Variants in SLC35F4 observed in about 807,000 individuals in gnomAD.
The protein encoded by SLC35F4 is chromosome 14 open reading frame 36.
A neutral mutation model predicts 44.2 loss-of-function variants in SLC35F4; 24 were observed. The ratio of observed to expected loss-of-function variants is 0.54; its 90% CI spans 0.39 to 0.76. The LOEUF is 0.76. SLC35F4 is among the 30% of genes least tolerant of loss of function. The pLI is 0.00. For missense variants in SLC35F4, 562 were observed against 586.1 expected, an observed-to-expected ratio of 0.96 and a Z score of 0.42; for synonymous variants, 238 against 223.6, an observed-to-expected ratio of 1.06 and a Z score of -0.57.
intron 1 of SLC35F4, among the ~76,000 whole-genome samples, chr14:57,782,556 TAA>T (rs560034632): frequency 3.0e-3 from 463 of 152,270 alleles, no homozygotes; most frequent in Non-Finnish European, 5.0e-3. Flanking sequence ...AGCATGTAAA[TAA>T]AGACAGAGCA....
chr14:57,794,616 C>G (rs1335621662), intron 1 of SLC35F4, among the ~76,000 whole-genome samples: 1 of 152,116 alleles, frequency 6.6e-6, no homozygotes, highest in Non-Finnish European at 1.5e-5. Context: ...GTAGCCTTGA[C>G]TACTGAATGG....
At chr14:57,931,043 T>C (rs1889688009) in intron 1 of SLC35F4, among the ~76,000 whole-genome samples, 3 of 152,310 alleles carry the variant, frequency 2.0e-5, no homozygotes, top group Admixed American at 2.0e-4. Flanking sequence ...TAGATAATAT[T>C]AGAACTGAAA....
chr14:57,954,038 C>G (rs987435953), intron 1 of SLC35F4, among the ~76,000 whole-genome samples: 7 of 152,188 alleles, frequency 4.6e-5, no homozygotes, highest in African/African-American at 9.6e-5. Context: ...GAAATCACTC[C>G]TCAGCAAATG....
At chr14:57,586,417 G>T (rs2069725185) in intron 3 of SLC35F4, among the ~76,000 whole-genome samples, 1 of 151,890 alleles carries the variant, frequency 6.6e-6, no homozygotes, top group Admixed American at 6.6e-5. Flanking sequence ...TATATGCATG[G>T]GTAAAGACTT....
intron 1 of SLC35F4, among the ~76,000 whole-genome samples, chr14:57,667,262 T>A (rs1266319848): frequency 6.6e-6 from 1 of 151,952 alleles, no homozygotes; most frequent in Admixed American, 6.6e-5. Flanking sequence ...ACACTGCATA[T>A]ACTGCCAAAC....
intron 1 of SLC35F4, among the ~76,000 whole-genome samples, chr14:57,697,728 TG>T: frequency 6.6e-6 from 1 of 151,732 alleles, no homozygotes. Flanking sequence ...AGAAAATTCA[TG>T]TAAGTAAAAA....
chr14:57,628,545 G>C (rs2072593872), intron 1 of SLC35F4, among the ~76,000 whole-genome samples: 2 of 145,350 alleles, frequency 1.4e-5, no homozygotes, highest in South Asian at 4.6e-4. Flanking sequence ...AAAACATGAG[G>C]TGTTTGGTTT....
At chr14:57,647,258 A>C in intron 1 of SLC35F4, among the ~76,000 whole-genome samples, 1 of 151,662 alleles carries the variant, frequency 6.6e-6, no homozygotes, top group Non-Finnish European at 1.5e-5. Context: ...TGGGAGTCTA[A>C]GTCTCTTTGT....
At chr14:57,976,354 A>G (rs962892546), downstream of SLC35F4, among the ~76,000 whole-genome samples, 8 of 152,240 alleles carry the variant, frequency 5.3e-5, no homozygotes, top group South Asian at 2.1e-4. Context: ...AATTCTGTTT[A>G]TAAGTGTATA....
intron 1 of SLC35F4, among the ~76,000 whole-genome samples, chr14:57,977,633 A>C (rs1881257768): frequency 6.6e-6 from 1 of 152,228 alleles, no homozygotes; most frequent in Non-Finnish European, 1.5e-5. Flanking sequence ...CCAAAGGCAG[A>C]AATTAATTTT....
At chr14:57,713,963 T>C (rs2075873851) in intron 1 of SLC35F4, among the ~76,000 whole-genome samples, 1 of 152,108 alleles carries the variant, frequency 6.6e-6, no homozygotes. Context: ...ACCTACAATT[T>C]CTAACCACAC....
At chr14:57,793,878 A>G (rs575758027) in intron 1 of SLC35F4, among the ~76,000 whole-genome samples, 1 of 152,206 alleles carries the variant, frequency 6.6e-6, no homozygotes, top group South Asian at 2.1e-4. Flanking sequence ...AGACCAATAG[A>G]ACAGAATAGA....
intron 1 of SLC35F4, among the ~76,000 whole-genome samples, chr14:57,779,337 A>G (rs1699398448): frequency 6.6e-6 from 1 of 152,200 alleles, no homozygotes; most frequent in Admixed American, 6.5e-5. Context: ...AATAACTATC[A>G]GAGACTACTA....
At chr14:57,882,575 A>G (rs908736420) in intron 1 of SLC35F4, among the ~76,000 whole-genome samples, 11 of 152,126 alleles carry the variant, frequency 7.2e-5, no homozygotes, top group African/African-American at 2.7e-4. Context: ...AAATGCTACA[A>G]TCTAGCATTA....
In SLC35F4 at chr14:57,897,568, GT is replaced by G. The variant is rs1326741501; in HGVS notation, n.282+84344del. Among the ~76,000 whole-genome samples, 3 of 151,974 alleles carry G rather than the reference GT, an allele frequency of 2.0e-5. No individual in the cohort carries two copies. In the East Asian group the frequency reaches 5.8e-4, roughly 30 times the overall value. On this transcript the variant is annotated intron_variant and non_coding_transcript_variant, in intron 1 of 1. Coordinates refer to the SLC35F4 transcript ENST00000556568. ...ACCCCAATGTGTGGCTCACAGATCA[GT>G]GATGCACGATCCAGCAGTCCCACCT...
intron 1 of SLC35F4, among the ~76,000 whole-genome samples, chr14:57,899,903 C>T (rs1168139292): frequency 2.6e-5 from 4 of 152,054 alleles, no homozygotes; most frequent in African/African-American, 4.8e-5. Flanking sequence ...TTGTGAAGAG[C>T]GAAAGGACAA....
intron 1 of SLC35F4, among the ~76,000 whole-genome samples, chr14:57,625,534 C>A (rs964194537): frequency 6.6e-6 from 1 of 152,146 alleles, no homozygotes; most frequent in Non-Finnish European, 1.5e-5. Flanking sequence ...AGGCGTCATG[C>A]TACCTGACTT....
intron 1 of SLC35F4, among the ~76,000 whole-genome samples, chr14:57,836,196 T>A (rs1310924121): frequency 1.3e-5 from 2 of 152,226 alleles, no homozygotes; most frequent in African/African-American, 4.8e-5. Flanking sequence ...ATACCACCCA[T>A]ATTATTCTTA....
At chr14:57,981,033 A>T (rs1594669089) in intron 1 of SLC35F4, among the ~76,000 whole-genome samples, 1 of 152,276 alleles carries the variant, frequency 6.6e-6, no homozygotes, top group Middle Eastern at 3.4e-3. Context: ...ATGGAGAAGA[A>T]GGATTCGCCT....
Sources: allele counts gnomAD v4.1 joint callset (sites outside exome capture counted in the v4.1 genomes callset), GRCh38; gene constraint gnomAD v4.1.1; transcripts MANE v1.5; gene names NCBI Gene and HGNC (gene_info 2026-07-23, HGNC 2026-07-21).